The following GLIS3 variants were observed in gnomAD, a reference collection of about 807,000 sequenced individuals.
GLIS3 encodes GLIS family zinc finger 3.
Under a neutral mutation model 78.6 loss-of-function variants are expected in GLIS3, and 53 were observed. The ratio of observed to expected loss-of-function variants is 0.67; its 90% CI spans 0.54 to 0.85. The LOEUF (loss-of-function observed/expected upper bound fraction) is 0.85. Ranked by LOEUF, GLIS3 falls within the 40% of genes least tolerant of loss-of-function variation. The pLI is 0.00. For missense variants in GLIS3, 1,703 were observed against 1,231.1 expected (o/e 1.38, Z -5.74); for synonymous variants, 684 against 509.9 (o/e 1.34, Z -4.60).
At chr9:4,152,841 T>C (rs933641851) in intron 2 of GLIS3, among the ~76,000 whole-genome samples, 1 of 152,190 alleles carries the variant, frequency 6.6e-6, no homozygotes, top group Non-Finnish European at 1.5e-5. Flanking sequence ...TGAAGAAAAC[T>C]ACCTGTTTCT....
chr9:4,246,672 T>C (rs967021867), intron 2 of GLIS3, among the ~76,000 whole-genome samples: 2 of 152,118 alleles, frequency 1.3e-5, no homozygotes, highest in African/African-American at 4.8e-5. Context: ...TGATATGAAA[T>C]GGTGCTAAAG....
intron 2 of GLIS3, among the ~76,000 whole-genome samples, chr9:4,325,710 GTTTGTT>G (rs1817588416): frequency 6.6e-6 from 1 of 151,976 alleles, no homozygotes; most frequent in Non-Finnish European, 1.5e-5. Context: ...AGATAAATAT[GTTTGTT>G]TTTATTTTTT....
chr9:4,383,236 A>C, the GLIS3 span, among the ~76,000 whole-genome samples: 1 of 152,254 alleles, frequency 6.6e-6, no homozygotes, highest in African/African-American at 2.4e-5. Flanking sequence ...AAGTTTCAGA[A>C]AAAAACGCTT....
chr9:4,224,636 G>C (rs1272603008), intron 2 of GLIS3, among the ~76,000 whole-genome samples: 2 of 151,770 alleles, frequency 1.3e-5, no homozygotes, highest in Admixed American at 6.6e-5. Context: ...CTTACGAGAC[G>C]CATTTTGAGT....
In GLIS3 at chr9:3,855,773, C is replaced by T. The variant is rs535119486; in HGVS notation, c.2473+236G>A. 8 of 515,898 alleles carry T rather than the reference C, an allele frequency of 1.6e-5. No homozygotes were observed. In the Admixed American group the frequency reaches 2.2e-4, roughly 14 times the overall value. 32.0% of individuals were successfully genotyped at this position (515,898 alleles called of 1,614,324 possible). ...GTTAGAGCCCTGGCCAATGAAAAAACCAGCAACTTGAGCTGACCAGTGCGA... is the reference window on the plus strand; with the variant it reads ...GTTAGAGCCCTGGCCAATGAAAAAATCAGCAACTTGAGCTGACCAGTGCGA... On this transcript the variant is annotated intron_variant, in intron 9 of 10. Transcript: ENST00000381971.
intron 2 of GLIS3, among the ~76,000 whole-genome samples, chr9:4,177,601 G>C (rs1191198032): frequency 6.6e-6 from 1 of 152,128 alleles, no homozygotes; most frequent in African/African-American, 2.4e-5. Context: ...ATCCTACTGA[G>C]CTTGTTGATT....
chr9:4,090,473 A>G (rs944895570), intron 4 of GLIS3, among the ~76,000 whole-genome samples: 2 of 152,222 alleles, frequency 1.3e-5, no homozygotes, highest in Middle Eastern at 3.4e-3. Context: ...AAAAAAATTA[A>G]TGAGGCTCTC....
chr9:4,227,667 C>T (rs78369514), intron 2 of GLIS3, among the ~76,000 whole-genome samples: 5 of 152,234 alleles, frequency 3.3e-5, no homozygotes, highest in South Asian at 2.1e-4. Context: ...CAGACCTATC[C>T]GGGACTTCTG....
At chr9:4,262,692 C>T (rs2130037036) in intron 2 of GLIS3, among the ~76,000 whole-genome samples, 1 of 152,188 alleles carries the variant, frequency 6.6e-6, no homozygotes, top group East Asian at 1.9e-4. Context: ...CTATGTGCTG[C>T]TGGGCACTAT....
intron 2 of GLIS3, among the ~76,000 whole-genome samples, chr9:4,319,030 G>A (rs867249795): frequency 6.6e-6 from 1 of 152,166 alleles, no homozygotes; most frequent in Non-Finnish European, 1.5e-5. Context: ...GGGGCATTCT[G>A]TAAAACAGCT....
chr9:4,149,104 C>T (rs1586812198), intron 2 of GLIS3, among the ~76,000 whole-genome samples: 1 of 152,176 alleles, frequency 6.6e-6, no homozygotes, highest in South Asian at 2.1e-4. Context: ...AGAACTTGTA[C>T]TATTACAGCT....
At chr9:3,911,250 T>A (rs1824130242) in intron 6 of GLIS3, among the ~76,000 whole-genome samples, 1 of 152,212 alleles carries the variant, frequency 6.6e-6, no homozygotes, top group South Asian at 2.1e-4. Context: ...CTCACAGAGT[T>A]TACAGTGTGG....
intron 4 of GLIS3, among the ~76,000 whole-genome samples, chr9:3,967,380 G>A (rs997083378): frequency 6.6e-6 from 1 of 152,032 alleles, no homozygotes; most frequent in African/African-American, 2.4e-5. Context: ...GCACGTGCCT[G>A]TAGTCCCAGC....
intron 6 of GLIS3, among the ~76,000 whole-genome samples, chr9:3,917,952 T>C (rs956495203): frequency 7.9e-5 from 12 of 152,204 alleles, no homozygotes; most frequent in Non-Finnish European, 1.5e-4. Context: ...TTGGCGGCAA[T>C]TTTATGCTTT....
intron 4 of GLIS3, among the ~76,000 whole-genome samples, chr9:4,098,039 C>G (rs943705602): frequency 6.6e-6 from 1 of 152,176 alleles, no homozygotes; most frequent in African/African-American, 2.4e-5. Context: ...GTCTCAGCAT[C>G]ACACTGAAAG....
chr9:4,246,147 C>CA (rs773838128), intron 2 of GLIS3, among the ~76,000 whole-genome samples: 5 of 152,084 alleles, frequency 3.3e-5, no homozygotes, highest in African/African-American at 7.2e-5. Context: ...GAGGCTGAGG[C>CA]AAGTAGTTCA....
chr9:4,220,346 C>T (rs1322597323), intron 2 of GLIS3, among the ~76,000 whole-genome samples: 1 of 152,162 alleles, frequency 6.6e-6, no homozygotes, highest in African/African-American at 2.4e-5. Flanking sequence ...AATAGCTTCA[C>T]ATCAAAAACT....
intron 2 of GLIS3, among the ~76,000 whole-genome samples, chr9:4,268,606 A>G (rs1826223833): frequency 6.6e-6 from 1 of 152,234 alleles, no homozygotes; most frequent in Non-Finnish European, 1.5e-5. Context: ...AAGGTAGGAA[A>G]GGTATTATTA....
intron 4 of GLIS3, among the ~76,000 whole-genome samples, chr9:4,049,990 A>T (rs1825595895): frequency 6.6e-6 from 1 of 152,148 alleles, no homozygotes; most frequent in Non-Finnish European, 1.5e-5. Context: ...ACACTTTTAC[A>T]CTGTTGGTGG....
Sources: gnomAD v4.1 joint callset for allele counts (sites outside exome capture counted in the v4.1 genomes callset) on GRCh38, gnomAD v4.1.1 for gene constraint, MANE v1.5 for transcripts, NCBI Gene and HGNC (gene_info 2026-07-23, HGNC 2026-07-21) for gene names.